Variants in FRMD8 observed in about 807,000 individuals in gnomAD.
The protein encoded by FRMD8 is FERM domain containing 8, also known as FERM domain-containing protein 8.
Under a neutral mutation model 54.2 loss-of-function variants are expected in FRMD8, and 37 were observed. The ratio of observed to expected loss-of-function variants is 0.68; its 90% CI spans 0.53 to 0.90. The LOEUF (loss-of-function observed/expected upper bound fraction) is 0.90. Ranked by LOEUF, FRMD8 falls within the 40% of genes least tolerant of loss-of-function variation. The pLI is 0.00. For missense variants in FRMD8, 585 were observed against 653.7 expected (o/e 0.89, Z 1.15); for synonymous variants, 246 against 286.9 (o/e 0.86, Z 1.44).
intron 10 of FRMD8, among the ~76,000 whole-genome samples, chr11:65,406,532 G>A (rs981141470): frequency 3.3e-5 from 5 of 151,862 alleles, no homozygotes; most frequent in Admixed American, 2.0e-4. Flanking sequence ...GTTTCACCGT[G>A]TTAGCCAGGA....
the FRMD8 span, among the ~76,000 whole-genome samples, chr11:65,368,381 T>C: frequency 3.3e-5 from 5 of 151,622 alleles, no homozygotes; most frequent in African/African-American, 1.2e-4. Flanking sequence ...GGCCATTTTT[T>C]TGTATTTTTG....
At position 65,411,225 on chromosome 11, in the gene FRMD8, C is replaced by A; in HGVS notation, c.1277-17C>A. 6.3e-7 allele frequency: 1 copy of A among 1,595,850 alleles called. No individual in the cohort carries two copies. Among genetic ancestry groups the A allele is most frequent in the Non-Finnish European group, 8.6e-7 (1 of 1,169,416 alleles). On this transcript the variant is annotated splice_polypyrimidine_tract_variant and intron_variant, in intron 10 of 10. Transcript: ENST00000317568. ...GGACAGCGCCTCTGCTCAGTGTGCC[C>A]TCCCATTCCCTCGCAGGCAAGGGGA...
chr11:65,383,361 A>G (rs1224240242), upstream of FRMD8: 2 of 152,396 alleles, frequency 1.3e-5, no homozygotes, highest in Non-Finnish European at 2.9e-5. Context: ...GCCACCCCCA[A>G]AGATCATCCT....
At chr11:65,382,192 C>A (rs1565587257), upstream of FRMD8, 3 of 566,720 alleles carry the variant, frequency 5.3e-6, no homozygotes, top group Non-Finnish European at 9.5e-6. The surrounding 1 kb of genome is among the most constrained non-coding windows in gnomAD (Gnocchi z 4.4). Flanking sequence ...GTGCCGGGAC[C>A]ACAGAGGCCC....
the FRMD8 span, chr11:65,378,371 T>G: frequency 9.2e-4 from 140 of 152,346 alleles, no homozygotes; most frequent in African/African-American, 3.3e-3. Flanking sequence ...AGCCACAGGT[T>G]TCACTGTAAA....
In FRMD8 at chr11:65,402,380, A is replaced by G. The variant is rs186892973; in HGVS notation, c.1071+1513A>G. Among the ~76,000 whole-genome samples the G allele has an allele frequency of 3.3e-5, 5 of 152,118 alleles. No homozygotes were observed. The East Asian group carries it at 7.7e-4, about 23-fold the overall frequency. ...AAAAAAAAAAAAAGAAAGACATTGA[A>G]TTGCCCTGACATCTTTGTTGAAAAT... On this transcript the variant is annotated intron_variant, in intron 9 of 10. Transcript: ENST00000317568.
chr11:65,377,385 G>A, the FRMD8 span: 1 of 1,228,336 alleles, frequency 8.1e-7, no homozygotes. Flanking sequence ...GCAGGAGCAG[G>A]TTGGTTTCTG....
At chr11:65,388,528 G>A (rs893636431) in intron 2 of FRMD8, among the ~76,000 whole-genome samples, 2 of 152,078 alleles carry the variant, frequency 1.3e-5, no homozygotes, top group Non-Finnish European at 2.9e-5. Context: ...GTTGGCCAGC[G>A]ACCAGGCAAG....
chr11:65,380,291 G>T, the FRMD8 span: 2 of 1,458,590 alleles, frequency 1.4e-6, no homozygotes, highest in Non-Finnish European at 1.9e-6. Context: ...GGCCATCTCA[G>T]ACACATGCAG....
chr11:65,411,625 A>G lies in FRMD8; in HGVS notation c.*265A>G, dbSNP rs1856336730. 2 of 356,874 alleles carry G rather than the reference A, an allele frequency of 5.6e-6. No homozygotes were observed. Among genetic ancestry groups the G allele is most frequent in the Non-Finnish European group, 1.0e-5 (2 of 196,508 alleles). 22.1% of individuals were successfully genotyped at this position (356,874 alleles called of 1,614,324 possible). A position where few individuals can be genotyped will look rare whatever the true frequency, so the allele number is the denominator to read the frequency against. On this transcript the variant is annotated 3_prime_UTR_variant, in exon 11 of 11. Coordinates refer to ENST00000317568, the MANE Select transcript of FRMD8 (RefSeq NM_031904.5). ...TGGGCCCTGCTGCTCTCTCAGGACCATCCGATCAAGCTGCAGCTGCCACCC... is the reference window on the plus strand; with the variant it reads ...TGGGCCCTGCTGCTCTCTCAGGACCGTCCGATCAAGCTGCAGCTGCCACCC...
At chr11:65,377,020 C>G in the FRMD8 span, 3 of 1,613,976 alleles carry the variant, frequency 1.9e-6, no homozygotes, top group Admixed American at 5.0e-5. Flanking sequence ...GGGCCCTTGG[C>G]TCTGTCTGGT....
chr11:65,393,259 C>A (rs1855878172), intron 3 of FRMD8, among the ~76,000 whole-genome samples: 1 of 152,204 alleles, frequency 6.6e-6, no homozygotes, highest in African/African-American at 2.4e-5. Context: ...GCCCCAGCAC[C>A]TTCCATTGGC....
chr11:65,394,170 T>C, intron 5 of FRMD8, 71 bp downstream of exon 5: 1 of 1,602,816 alleles, frequency 6.2e-7, no homozygotes, highest in Non-Finnish European at 8.5e-7. Flanking sequence ...CCTAGACCCC[T>C]GGACATTCGC....
At chr11:65,379,098 A>T in the FRMD8 span, 1 of 446,996 alleles carries the variant, frequency 2.2e-6, no homozygotes, top group Non-Finnish European at 4.0e-6. Context: ...ACCCCTCTGG[A>T]GGGGGGCAAG....
At chr11:65,401,579 CCT>C (rs993658068) in intron 9 of FRMD8, among the ~76,000 whole-genome samples, 3 of 150,910 alleles carry the variant, frequency 2.0e-5, no homozygotes, top group African/African-American at 7.3e-5. Context: ...CACCCCTGCG[CCT>C]CCCATGCTGG....
rs1057013957 is a variant in FRMD8 at position 65,411,442 on chromosome 11, C to T, written c.*82C>T. ...CCTGAGGGGCAGGCGCCGGCTGCAA[C>T]AGTCTCATGGGTCACCACGTGGGGA... On this transcript the variant is annotated 3_prime_UTR_variant, in exon 11 of 11. Transcript: ENST00000317568. 2.6e-4 allele frequency: 234 copies of T among 901,808 alleles called. No individual in the cohort carries two copies. The highest frequency in any genetic ancestry group is 3.5e-4 in the Non-Finnish European group (216 of 615,382). The allele number at this position is 901,808 out of a possible 1,614,324, so 55.9% of individuals were successfully genotyped here.
chr11:65,370,970 G>A, the FRMD8 span, among the ~76,000 whole-genome samples: 195 of 152,288 alleles, frequency 1.3e-3, no homozygotes, highest in Middle Eastern at 6.8e-3. Flanking sequence ...GGCATGGCGG[G>A]GGTGAAGAGG....
At chr11:65,408,119 G>A (rs1399027398) in intron 10 of FRMD8, among the ~76,000 whole-genome samples, 2 of 149,006 alleles carry the variant, frequency 1.3e-5, no homozygotes, top group African/African-American at 5.0e-5. Context: ...TTGTTGCCCA[G>A]GCTGGAGTGA....
chr11:65,381,930 C>A (rs746262497), upstream of FRMD8: 1 of 1,614,158 alleles, frequency 6.2e-7, no homozygotes, highest in South Asian at 1.1e-5. Context: ...ATCCAGCCAG[C>A]CACAAATTCC....
Sources: gnomAD v4.1 joint callset for allele counts (sites outside exome capture counted in the v4.1 genomes callset) on GRCh38, gnomAD v4.1.1 for gene constraint, Gnocchi (gnomAD v3.1) non-coding constraint, MANE v1.5 for transcripts, NCBI Gene and HGNC (gene_info 2026-07-23, HGNC 2026-07-21) for gene names.